Variants in TMEM268 observed in about 807,000 individuals in gnomAD.
TMEM268 encodes the protein transmembrane protein C9orf91.
A neutral mutation model predicts 39.1 loss-of-function variants in TMEM268; 24 were observed. The observed-to-expected ratio is 0.61, with a 90% CI of 0.44 to 0.86. The LOEUF (loss-of-function observed/expected upper bound fraction) is 0.86, where lower values mean the gene tolerates loss of function less well. TMEM268 is among the 40% of genes least tolerant of loss of function. The probability of loss-of-function intolerance (pLI) is 0.00; values close to 1 mark genes in which losing one functional copy is unlikely to be tolerated. For synonymous variants in TMEM268, 176 were observed against 173.5 expected (o/e 1.01, Z -0.12); for missense variants, 409 against 428.6 (o/e 0.95, Z 0.40).
intron 1 of TMEM268, among the ~76,000 whole-genome samples, chr9:114,612,254 T>C (rs1845530583): frequency 6.6e-6 from 1 of 151,982 alleles, no homozygotes; most frequent in Non-Finnish European, 1.5e-5. Context: ...GACTTAAGAG[T>C]ATGTTCCTTT....
chr9:114,646,035 C>T lies in TMEM268; in HGVS notation c.*2722C>T, dbSNP rs988535956. On this transcript the variant is annotated 3_prime_UTR_variant, in exon 9 of 9. Transcript: ENST00000288502. ...ATGTTACCCAGCCTAGTCTTGAACTCCTGGCCTCAAGTGATCCTCCTGCCT... is the reference window on the plus strand; with the variant it reads ...ATGTTACCCAGCCTAGTCTTGAACTTCTGGCCTCAAGTGATCCTCCTGCCT... 1 of 152,040 alleles carries T rather than the reference C, an allele frequency of 6.6e-6. No individual in the cohort carries two copies. Among genetic ancestry groups the T allele is most frequent in the Non-Finnish European group, 1.5e-5 (1 of 68,020 alleles). 9.4% of individuals were successfully genotyped at this position (152,040 alleles called of 1,614,324 possible).
the TMEM268 span, among the ~76,000 whole-genome samples, chr9:114,605,314 G>A: frequency 6.6e-6 from 1 of 152,068 alleles, no homozygotes; most frequent in Admixed American, 6.6e-5. Context: ...CTTCAGCACA[G>A]GCAGGCAGCT....
intron 7 of TMEM268, among the ~76,000 whole-genome samples, chr9:114,637,485 G>T (rs903806602): frequency 1.3e-5 from 2 of 151,748 alleles, no homozygotes; most frequent in Admixed American, 1.3e-4. Flanking sequence ...GTAGAGACGG[G>T]GTTTCACCAT....
In TMEM268 at chr9:114,643,560, C is replaced by G. The variant is rs1827448313; in HGVS notation, c.*247C>G. 2 of 489,094 alleles carry G rather than the reference C, an allele frequency of 4.1e-6. No homozygotes were observed. Among genetic ancestry groups the G allele is most frequent in the Non-Finnish European group, 7.4e-6 (2 of 270,778 alleles). The allele number at this position is 489,094 out of a possible 1,614,324, so 30.3% of individuals were successfully genotyped here. A position where few individuals can be genotyped will look rare whatever the true frequency, so the allele number is the denominator to read the frequency against. On this transcript the variant is annotated 3_prime_UTR_variant, in exon 9 of 9. Coordinates refer to ENST00000288502, the MANE Select transcript of TMEM268 (RefSeq NM_153045.4). ...CTGATGGTTACAGAGCTAGTCCCAC[C>G]AAAGCTACTCTCTCTGCTGCTTAGA...
At chr9:114,627,095 T>G in intron 4 of TMEM268, 89 bp downstream of exon 4, 1 of 963,974 alleles carries the variant, frequency 1.0e-6, no homozygotes, top group Non-Finnish European at 1.6e-6. Flanking sequence ...CCTGTTGGTG[T>G]GGGTCAGGGG....
At chr9:114,630,774 T>A (rs1363224995) in intron 5 of TMEM268, among the ~76,000 whole-genome samples, 1 of 152,210 alleles carries the variant, frequency 6.6e-6, no homozygotes, top group Non-Finnish European at 1.5e-5. Context: ...AAACGGAAGT[T>A]CAGAGAGGTT....
intron 6 of TMEM268, among the ~76,000 whole-genome samples, chr9:114,635,026 T>C (rs1044669648): frequency 3.3e-5 from 5 of 152,212 alleles, no homozygotes; most frequent in Admixed American, 2.6e-4. Flanking sequence ...ATGTGTTAGA[T>C]GAATGCACGG....
chr9:114,641,531 G>A (rs956196660), intron 8 of TMEM268, among the ~76,000 whole-genome samples: 2 of 152,192 alleles, frequency 1.3e-5, no homozygotes, highest in Admixed American at 1.3e-4. Context: ...ATAAGAATGT[G>A]CATTAAGGCC....
intron 1 of TMEM268, among the ~76,000 whole-genome samples, chr9:114,614,471 C>T (rs891609640): frequency 3.3e-5 from 5 of 152,232 alleles, no homozygotes; most frequent in Non-Finnish European, 7.3e-5. Context: ...AGAGGCCCCA[C>T]ATTTTCATTT....
chr9:114,631,155 A>G (rs1217712386), intron 5 of TMEM268, among the ~76,000 whole-genome samples: 1 of 152,018 alleles, frequency 6.6e-6, no homozygotes, highest in East Asian at 1.9e-4. Flanking sequence ...CTCTACAAAA[A>G]ATAAAATCAG....
intron 3 of TMEM268, among the ~76,000 whole-genome samples, chr9:114,625,820 CAATT>C (rs959837500): frequency 1.3e-3 from 196 of 151,390 alleles, no homozygotes; most frequent in African/African-American, 4.5e-3. Flanking sequence ...CAATTCAATT[CAATT>C]AATTAATTAA....
chr9:114,620,306 G>A (rs143957824), intron 2 of TMEM268, among the ~76,000 whole-genome samples: 4 of 152,182 alleles, frequency 2.6e-5, no homozygotes, highest in South Asian at 2.1e-4. Context: ...ATACAGTGGC[G>A]TGATTTTGGC....
the TMEM268 span, among the ~76,000 whole-genome samples, chr9:114,604,145 G>A: frequency 1.3e-5 from 2 of 152,018 alleles, no homozygotes; most frequent in East Asian, 1.9e-4. Context: ...TGTGTACTGA[G>A]TATTGAACAA....
At chr9:114,628,325 T>C in intron 5 of TMEM268, 75 bp downstream of exon 5, 1 of 1,543,010 alleles carries the variant, frequency 6.5e-7, no homozygotes. Flanking sequence ...TTTTTCCCTT[T>C]TGCCTCCCTC....
At chr9:114,626,795 G>A in intron 3 of TMEM268, 104 bp from the exon 4 acceptor site, 1 of 775,686 alleles carries the variant, frequency 1.3e-6, no homozygotes, top group Non-Finnish European at 2.2e-6. Context: ...TCTGCCTTTG[G>A]GACAGCCCAG....
chr9:114,609,265 C>T (rs963284601), upstream of TMEM268, among the ~76,000 whole-genome samples: 1 of 151,512 alleles, frequency 6.6e-6, no homozygotes, highest in African/African-American at 2.4e-5. Flanking sequence ...GAGCCAAGAT[C>T]ACACCACTGC....
chr9:114,635,901 A>G (rs1846614647), intron 6 of TMEM268, among the ~76,000 whole-genome samples: 1 of 152,236 alleles, frequency 6.6e-6, no homozygotes, highest in Non-Finnish European at 1.5e-5. Context: ...GGTTGCTGTC[A>G]TCTACTTCTG....
At chr9:114,615,108 G>C (rs1403144149) in intron 1 of TMEM268, among the ~76,000 whole-genome samples, 1 of 151,940 alleles carries the variant, frequency 6.6e-6, no homozygotes, top group African/African-American at 2.4e-5. Context: ...TGTTTGCCAG[G>C]CTGGTCTCAA....
upstream of TMEM268, among the ~76,000 whole-genome samples, chr9:114,609,057 C>T (rs1329723845): frequency 6.6e-6 from 1 of 152,172 alleles, no homozygotes; most frequent in African/African-American, 2.4e-5. Flanking sequence ...CCCCTGTAAT[C>T]CCAGTACTTT....
Sources: gnomAD v4.1 joint callset for allele counts (sites outside exome capture counted in the v4.1 genomes callset) on GRCh38, gnomAD v4.1.1 for gene constraint, MANE v1.5 for transcripts, NCBI Gene and HGNC (gene_info 2026-07-23, HGNC 2026-07-21) for gene names.